ASH2L: variants seen among roughly 807,000 people sequenced by gnomAD.
ASH2L encodes the protein ASH2 like, histone lysine methyltransferase complex subunit, also known as set1/Ash2 histone methyltransferase complex subunit ASH2.
Under a neutral mutation model 81.1 loss-of-function variants are expected in ASH2L, and 30 were observed. The ratio of observed to expected loss-of-function variants is 0.37; its 90% CI spans 0.28 to 0.50. ASH2L has a LOEUF of 0.50. Among genes scored for constraint, ASH2L ranks in the 20% least tolerant of loss-of-function variants. ASH2L has a pLI of 0.95. For missense variants in ASH2L, 559 were observed against 792.1 expected (o/e 0.71, Z 3.53); for synonymous variants, 273 against 279.9 (o/e 0.98, Z 0.24).
intron 10 of ASH2L, among the ~76,000 whole-genome samples, chr8:38,127,038 T>G (rs981321650): frequency 1.3e-5 from 2 of 151,810 alleles, no homozygotes; most frequent in African/African-American, 4.8e-5. Context: ...GTGGTAGCAC[T>G]TGTAGTACCA....
intron 5 of ASH2L, 40 bp from the exon 6 acceptor site, chr8:38,114,152 G>T: frequency 1.7e-6 from 2 of 1,175,382 alleles, no homozygotes; most frequent in South Asian, 1.4e-5. Context: ...GCATATCTTT[G>T]ATTGCAGCAG....
intron 10 of ASH2L, chr8:38,124,203 T>C (rs1414970853): frequency 6.6e-6 from 1 of 152,074 alleles, no homozygotes; most frequent in African/African-American, 2.4e-5. Context: ...TCCATGCAAT[T>C]ATTTTATTTT....
intron 8 of ASH2L, chr8:38,118,977 T>A: frequency 7.5e-6 from 2 of 268,382 alleles, no homozygotes; most frequent in Non-Finnish European, 7.1e-6. Flanking sequence ...TGTCACACCC[T>A]GAGAAAGTAT....
chr8:38,111,681 C>T (rs12550510), intron 5 of ASH2L, among the ~76,000 whole-genome samples: 4,289 of 152,126 alleles, frequency 0.028, 262 homozygotes, highest in East Asian at 0.24. Flanking sequence ...CCACTGCACC[C>T]GGCCCATTTC....
chr8:38,107,251 A>G, intron 3 of ASH2L, 85 bp downstream of exon 3: 1 of 1,546,408 alleles, frequency 6.5e-7, no homozygotes, highest in Non-Finnish European at 8.9e-7. Flanking sequence ...GGCAAAATAA[A>G]TGCAAAGTAT....
intron 10 of ASH2L, among the ~76,000 whole-genome samples, chr8:38,127,763 A>G (rs1490526595): frequency 6.8e-6 from 1 of 147,406 alleles, no homozygotes; most frequent in Middle Eastern, 3.6e-3. Context: ...AAAAAAAAAG[A>G]TAAGCCAGGT....
chr8:38,125,188 T>C (rs770694590), intron 10 of ASH2L, among the ~76,000 whole-genome samples: 3 of 152,218 alleles, frequency 2.0e-5, no homozygotes, highest in Non-Finnish European at 4.4e-5. Flanking sequence ...AGCGATACCT[T>C]GTACACTTTT....
chr8:38,111,237 G>GT lies in ASH2L; in HGVS notation c.585+412dup, dbSNP rs546522548. ...TGAGCCACCGCACCTGGACTGTTGTGTTTTTTTTGAGAGAGGGTCTCTGTC... is the reference window on the plus strand; with the variant it reads ...TGAGCCACCGCACCTGGACTGTTGTGTTTTTTTTTGAGAGAGGGTCTCTGTC... On this transcript the variant is annotated intron_variant, in intron 5 of 15. Coordinates refer to ENST00000343823, the MANE Select transcript of ASH2L (RefSeq NM_004674.5). Among the ~76,000 whole-genome samples, 12 of 151,450 alleles carry GT rather than the reference G, an allele frequency of 7.9e-5. No homozygotes were observed. The South Asian group carries it at 1.0e-3, about 13-fold the overall frequency.
intron 3 of ASH2L, among the ~76,000 whole-genome samples, chr8:38,109,023 A>G (rs1179525168): frequency 6.6e-6 from 1 of 152,060 alleles, no homozygotes; most frequent in Non-Finnish European, 1.5e-5. Context: ...TTGAGGCTGC[A>G]GTGAGCCATG....
In ASH2L at chr8:38,107,025, G is replaced by C; in HGVS notation, c.260G>C (p.Gly87Ala). The C allele has an allele frequency of 6.2e-7, 1 of 1,613,950 alleles. No homozygotes were observed. Among genetic ancestry groups the C allele is most frequent in the Non-Finnish European group, 8.5e-7 (1 of 1,179,902 alleles). Residue 87 changes from glycine to alanine, a missense_variant, in exon 3 of 16, where the codon GGT becomes GCT. By Grantham distance (60) the Gly-to-Ala change is moderately conservative (BLOSUM62 0). Around this residue, in one of 4 missense-constraint regions of ASH2L, gnomAD observed 145 missense variants for 115.5 expected, o/e 1.26. Transcript: ENST00000343823. Reference sequence around the variant, plus strand: ...TCTCGAACTGCTCTGACACAGGAAGGTGCTGGGGATACATCAGAGGTGATG... The same window carrying C: ...TCTCGAACTGCTCTGACACAGGAAGCTGCTGGGGATACATCAGAGGTGATG... ...ESSNGKDTLE[G>A]AGDTSEVMDT... is the part of the protein sequence containing the mutation.
chr8:38,121,353 A>T lies in ASH2L; in HGVS notation c.1165+204A>T, dbSNP rs867018801. On this transcript the variant is annotated intron_variant, in intron 10 of 15. Coordinates refer to ENST00000343823, the MANE Select transcript of ASH2L (RefSeq NM_004674.5). ...TTTATTTATATATATATATATATAT[A>T]TATATATATATATATATATATATAT... is the stretch of plus-strand genomic sequence containing the variant. 1.8e-3 allele frequency among the ~76,000 whole-genome samples: 256 copies of T among 141,004 alleles called. 5 individuals are homozygous for T. Among genetic ancestry groups the T allele is most frequent in the African/African-American group, 6.3e-3 (243 of 38,372 alleles). The allele number at this position is 141,004 out of a possible 152,430, so 92.5% of individuals were successfully genotyped here.
Position 38,109,595 on chromosome 8 carries a change from G to A in ASH2L, c.402-784G>A, listed in dbSNP as rs148305039. On this transcript the variant is annotated intron_variant, in intron 3 of 15. Coordinates refer to ENST00000343823, the MANE Select transcript of ASH2L (RefSeq NM_004674.5). Reference sequence around the variant, plus strand: ...ATGCGTTGGTTCCTCTGTTGCATCCGTCTCTGCCATATTGTCTTTCCCCTC... The same window carrying A: ...ATGCGTTGGTTCCTCTGTTGCATCCATCTCTGCCATATTGTCTTTCCCCTC... Among the ~76,000 whole-genome samples the A allele has an allele frequency of 4.6e-5, 7 of 152,184 alleles. No individual in the cohort carries two copies. The East Asian group carries it at 1.4e-3, about 29-fold the overall frequency.
intron 11 of ASH2L, 69 bp downstream of exon 11, chr8:38,128,527 G>T: frequency 1.3e-6 from 2 of 1,558,774 alleles, no homozygotes; most frequent in Middle Eastern, 3.5e-4. Flanking sequence ...AAGGGCTAAG[G>T]CTTCAAGGCT....
intron 3 of ASH2L, 69 bp downstream of exon 3, chr8:38,107,235 T>C (rs1810475669): frequency 6.3e-7 from 1 of 1,588,486 alleles, no homozygotes; most frequent in Admixed American, 1.7e-5. Flanking sequence ...CAACAGTTAC[T>C]TTGTGGGCAA....
intron 10 of ASH2L, among the ~76,000 whole-genome samples, chr8:38,126,769 G>A (rs977759706): frequency 1.3e-5 from 2 of 151,396 alleles, no homozygotes; most frequent in East Asian, 3.9e-4. Flanking sequence ...CAGGAGAATG[G>A]CGTGAACCCG....
chr8:38,115,463 A>G (rs1031296863), intron 7 of ASH2L, among the ~76,000 whole-genome samples: 5 of 152,178 alleles, frequency 3.3e-5, no homozygotes, highest in Admixed American at 6.5e-5. Flanking sequence ...CAGAATGTCA[A>G]ATCTTAAAGC....
chr8:38,112,426 C>CT lies in ASH2L; in HGVS notation c.585+1603dup, dbSNP rs908798015. Among the ~76,000 whole-genome samples the CT allele has an allele frequency of 4.7e-5, 7 of 149,536 alleles. No homozygotes were observed. In the East Asian group the frequency reaches 9.7e-4, roughly 21 times the overall value. On this transcript the variant is annotated intron_variant, in intron 5 of 15. Transcript: ENST00000343823. ...TCTTCATGATTATGTTCAGGTTAAA[C>CT]TTTTTTTTTTCCGCTTTAATAGGGA...
At chr8:38,107,977 C>T (rs928448030) in intron 3 of ASH2L, among the ~76,000 whole-genome samples, 1 of 151,436 alleles carries the variant, frequency 6.6e-6, no homozygotes, top group African/African-American at 2.4e-5. Context: ...CTCTGCTGCC[C>T]AGGCTGGAGT....
chr8:38,110,934 A>G, intron 5 of ASH2L, 101 bp downstream of exon 5: 1 of 944,632 alleles, frequency 1.1e-6, no homozygotes, highest in Non-Finnish European at 1.6e-6. Context: ...TTTATTGAAT[A>G]TATGACAGTG....
Sources: allele counts gnomAD v4.1 joint callset (sites outside exome capture counted in the v4.1 genomes callset), GRCh38; gene constraint gnomAD v4.1.1; regional missense constraint gnomAD v4.1.1; transcripts MANE v1.5; gene names NCBI Gene and HGNC (gene_info 2026-07-23, HGNC 2026-07-21).